The following ATP13A4 variants were observed in gnomAD, a reference collection of about 807,000 sequenced individuals.
ATP13A4 encodes ATPase 13A4.
A neutral mutation model predicts 142.5 loss-of-function variants in ATP13A4; 114 were observed. The observed-to-expected ratio is 0.80, with a 90% CI of 0.69 to 0.93. The LOEUF (loss-of-function observed/expected upper bound fraction) is 0.93. Ranked by LOEUF, ATP13A4 falls within the 40% of genes least tolerant of loss-of-function variation. The probability of loss-of-function intolerance (pLI) is 0.00; values close to 1 mark genes in which losing one functional copy is unlikely to be tolerated. For missense variants in ATP13A4, 1,392 were observed against 1,454.0 expected (o/e 0.96, Z 0.69); for synonymous variants, 488 against 514.8 (o/e 0.95, Z 0.70).
At chr3:193,489,592 G>A (rs1198553607) in intron 7 of ATP13A4, 138 bp downstream of exon 7, 7 of 856,716 alleles carry the variant, frequency 8.2e-6, no homozygotes, top group Admixed American at 3.9e-5. Flanking sequence ...ACTGGTTACT[G>A]TGCTAGGTAT....
At chr3:193,497,617 C>T (rs1424765066) in intron 3 of ATP13A4, among the ~76,000 whole-genome samples, 3 of 152,056 alleles carry the variant, frequency 2.0e-5, no homozygotes, top group Admixed American at 6.6e-5. Context: ...TCTGCACTCT[C>T]GTGTTTATTG....
Position 193,440,544 on chromosome 3 carries a change from G to A in ATP13A4, c.2519+14C>T, listed in dbSNP as rs377030550. ...CCATGCAGTTCATGCCACCTGCACT[G>A]GCAAAGAACCTACTCCAGTTTCTGA... is the stretch of plus-strand genomic sequence containing the variant. On this transcript the variant is annotated intron_variant, in intron 21 of 29. Coordinates refer to ENST00000342695, the MANE Select transcript of ATP13A4 (RefSeq NM_032279.4). The A allele has an allele frequency of 2.5e-6, 4 of 1,613,744 alleles. No individual in the cohort carries two copies. Among genetic ancestry groups the A allele is most frequent in the East Asian group, 2.2e-5 (1 of 44,878 alleles).
chr3:193,406,486 ACCCC>A (rs1714503914), intron 29 of ATP13A4, among the ~76,000 whole-genome samples: 1 of 152,166 alleles, frequency 6.6e-6, no homozygotes, highest in African/African-American at 2.4e-5. Context: ...TTTTCAGGGC[ACCCC>A]TGCCTACCAA....
chr3:193,403,845 T>C (rs1438855582), intron 29 of ATP13A4: 2 of 985,368 alleles, frequency 2.0e-6, no homozygotes, highest in East Asian at 2.3e-4. Flanking sequence ...CCCACAGAAT[T>C]AGAACTGATT....
At chr3:193,585,381 T>C (rs1437490189) in intron 1 of ATP13A4, among the ~76,000 whole-genome samples, 1 of 152,062 alleles carries the variant, frequency 6.6e-6, no homozygotes. Context: ...GATCGCGTCA[T>C]TGCACTCCAG....
At chr3:193,444,684 C>A (rs76288019) in intron 18 of ATP13A4, among the ~76,000 whole-genome samples, 2 of 152,166 alleles carry the variant, frequency 1.3e-5, no homozygotes, top group African/African-American at 2.4e-5. Flanking sequence ...AAGAGACATT[C>A]CTGGTTATAA....
chr3:193,402,845 C>T lies in ATP13A4; in HGVS notation c.3398G>A (p.Arg1133Gln), dbSNP rs748130648. 9.3e-6 allele frequency: 15 copies of T among 1,613,890 alleles called. No individual in the cohort carries two copies. The Middle Eastern group carries it at 4.9e-4, about 53-fold the overall frequency. ...TCTTTTAATCATCATCCACAGGGCT[C>T]GATTTTCAATAACAGCCTCCTGCAA... ...LVAEEAVIEN[R>Q]ALWMMIKRCF... The change falls in exon 30 of 30, where the codon CGA (arginine) becomes CAA (glutamine). Residue 1133 changes from arginine to glutamine, a missense_variant. Transcript: ENST00000342695.
rs899849369 is a variant in ATP13A4, at chr3:193,569,271, G to C, written n.291+12436C>G. Among the ~76,000 whole-genome samples the C allele has an allele frequency of 2.0e-5, 3 of 152,306 alleles. No individual in the cohort carries two copies. The South Asian group carries it at 6.2e-4, about 32-fold the overall frequency. On this transcript the variant is annotated intron_variant and non_coding_transcript_variant, in intron 2 of 3. Transcript: ENST00000489140. ...AAATGTTCGACAAATCCCAATAAAG[G>C]GACGTGGTACAAAATACCAGTCTAG...
chr3:193,470,597 C>A (rs559666759), intron 9 of ATP13A4, among the ~76,000 whole-genome samples: 1 of 152,238 alleles, frequency 6.6e-6, no homozygotes, highest in South Asian at 2.1e-4. Context: ...TTGTAATAAT[C>A]TTTTGTTCAA....
rs76422373 is a variant in ATP13A4 at position 193,473,393 on chromosome 3, T to C, written c.809-2400A>G. Among the ~76,000 whole-genome samples the C allele has an allele frequency of 3.0e-4, 45 of 152,316 alleles. No homozygotes were observed. The East Asian group carries it at 7.9e-3, about 27-fold the overall frequency. ...GTTTTCCTTGCAGCAAAATGGCAAC[T>C]AATTAATGTAGAAGGAGAGATAACA... On this transcript the variant is annotated intron_variant, in intron 8 of 29. Coordinates refer to ENST00000342695, the MANE Select transcript of ATP13A4 (RefSeq NM_032279.4).
At chr3:193,481,357 C>A (rs1719283056) in intron 8 of ATP13A4, among the ~76,000 whole-genome samples, 1 of 152,110 alleles carries the variant, frequency 6.6e-6, no homozygotes, top group Non-Finnish European at 1.5e-5. Flanking sequence ...TTATATTCTA[C>A]ATATGTATAT....
chr3:193,576,429 G>A (rs1024298301), intron 2 of ATP13A4, among the ~76,000 whole-genome samples: 5 of 149,550 alleles, frequency 3.3e-5, no homozygotes, highest in African/African-American at 5.0e-5. Context: ...CCGCCACCGC[G>A]CCCGGCTAAT....
intron 12 of ATP13A4, among the ~76,000 whole-genome samples, chr3:193,464,265 C>G (rs1363154821): frequency 6.6e-6 from 1 of 152,190 alleles, no homozygotes; most frequent in Admixed American, 6.5e-5. Flanking sequence ...TGCTTTCCTG[C>G]CTCCAGGCCT....
chr3:193,511,724 A>T (rs564996976), intron 2 of ATP13A4, among the ~76,000 whole-genome samples: 1 of 152,306 alleles, frequency 6.6e-6, no homozygotes, highest in African/African-American at 2.4e-5. Flanking sequence ...AAGTTAGGTA[A>T]CAAACCTAAA....
intron 1 of ATP13A4, among the ~76,000 whole-genome samples, chr3:193,592,125 ATG>A (rs1332236832): frequency 8.7e-6 from 1 of 114,548 alleles, no homozygotes; most frequent in African/African-American, 3.4e-5. Context: ...GTATTTGTGT[ATG>A]TGTGTGGCAT....
chr3:193,474,633 G>GAGAA (rs781524688), intron 8 of ATP13A4, among the ~76,000 whole-genome samples: 3 of 129,396 alleles, frequency 2.3e-5, no homozygotes, highest in Non-Finnish European at 4.8e-5. Flanking sequence ...AGAGAGAGAC[G>GAGAA]AGAAAGAAAG....
chr3:193,481,666 C>T (rs1443532550), intron 8 of ATP13A4, among the ~76,000 whole-genome samples: 2 of 152,126 alleles, frequency 1.3e-5, no homozygotes, highest in African/African-American at 4.8e-5. Flanking sequence ...AGAAAATCGA[C>T]ATTTGTTCCC....
At chr3:193,567,847 G>A (rs1724167608) in intron 2 of ATP13A4, among the ~76,000 whole-genome samples, 1 of 152,150 alleles carries the variant, frequency 6.6e-6, no homozygotes, top group African/African-American at 2.4e-5. Context: ...CTGCCTGGAG[G>A]TGCCTCCAAA....
chr3:193,573,290 C>CTTATATATATATGTAT lies in ATP13A4; in HGVS notation n.291+8416_291+8417insATACATATATATATAA, dbSNP rs1279066051. ...ATATATATATACATATATATATATA[C>CTTATATATATATGTAT]ACATATATATATATATACATATATA... On this transcript the variant is annotated intron_variant and non_coding_transcript_variant, in intron 2 of 3. Coordinates refer to the ATP13A4 transcript ENST00000489140. Among the ~76,000 whole-genome samples, 108 of 109,944 alleles carry CTTATATATATATGTAT rather than the reference C, an allele frequency of 9.8e-4. 3 individuals are homozygous for CTTATATATATATGTAT. The highest frequency in any genetic ancestry group is 4.2e-3 in the African/African-American group (96 of 22,672). The allele number at this position is 109,944 out of a possible 152,430, so 72.1% of individuals were successfully genotyped here.
Sources: allele counts gnomAD v4.1 joint callset (sites outside exome capture counted in the v4.1 genomes callset), GRCh38; gene constraint gnomAD v4.1.1; transcripts MANE v1.5; gene names NCBI Gene and HGNC (gene_info 2026-07-23, HGNC 2026-07-21).